NRG3: variants seen among roughly 807,000 people sequenced by gnomAD.
NRG3 encodes neuregulin 3, also known as pro-neuregulin-3, membrane-bound isoform.
NRG3 carries 31 observed loss-of-function variants against 66.9 expected under a neutral mutation model. That is an observed-to-expected ratio of 0.46 (90% CI 0.35 to 0.63). The LOEUF (loss-of-function observed/expected upper bound fraction) is 0.63, where lower values mean the gene tolerates loss of function less well. NRG3 is among the 20% of genes least tolerant of loss of function. The pLI, the probability that NRG3 is intolerant of heterozygous loss-of-function variation, is 0.00. For missense variants in NRG3, 910 were observed against 878.9 expected (o/e 1.04, Z -0.45); for synonymous variants, 393 against 359.4 (o/e 1.09, Z -1.06).
intron 4 of NRG3, among the ~76,000 whole-genome samples, chr10:82,911,340 C>G (rs1276875699): frequency 6.6e-6 from 1 of 151,586 alleles, no homozygotes; most frequent in African/African-American, 2.4e-5. Context: ...ATGGGTTGTG[C>G]CTTTGGCATT....
In NRG3 at chr10:82,027,009, T is replaced by A. The variant is rs1042126126; in HGVS notation, c.823+150846T>A. On this transcript the variant is annotated intron_variant, in intron 1 of 8. Coordinates refer to ENST00000372141, the MANE Select transcript of NRG3 (RefSeq NM_001010848.4). ...GTTTAATGCTATTATTTCTGTTAAT[T>A]CATGGGGGCAGCTAATGATTTTAAA... Among the ~76,000 whole-genome samples the A allele has an allele frequency of 3.9e-5, 6 of 152,182 alleles. No homozygotes were observed. In the East Asian group the frequency reaches 7.7e-4, roughly 20 times the overall value.
intron 1 of NRG3, among the ~76,000 whole-genome samples, chr10:82,289,700 CAT>C (rs2079614638): frequency 6.6e-6 from 1 of 152,064 alleles, no homozygotes. Flanking sequence ...ATCTTTTCTA[CAT>C]ATGTGGGAAT....
intron 2 of NRG3, among the ~76,000 whole-genome samples, chr10:82,668,433 G>A (rs1182561547): frequency 1.3e-5 from 2 of 152,060 alleles, no homozygotes; most frequent in Non-Finnish European, 2.9e-5. Flanking sequence ...TAAGGATTTG[G>A]CCTTCCCCTT....
intron 1 of NRG3, among the ~76,000 whole-genome samples, chr10:82,317,456 C>T (rs2081354155): frequency 6.6e-6 from 1 of 152,190 alleles, no homozygotes; most frequent in African/African-American, 2.4e-5. Flanking sequence ...TCATATTCTA[C>T]ATCCAGTCTT....
chr10:82,287,388 G>T (rs2079479514), intron 1 of NRG3, among the ~76,000 whole-genome samples: 1 of 151,750 alleles, frequency 6.6e-6, no homozygotes, highest in Admixed American at 6.6e-5. Flanking sequence ...CCAGTACCAT[G>T]CTTCCTATAC....
chr10:82,490,648 A>T (rs1328723722), intron 2 of NRG3, among the ~76,000 whole-genome samples: 2 of 151,990 alleles, frequency 1.3e-5, no homozygotes, highest in Non-Finnish European at 2.9e-5. Flanking sequence ...CAAACTCTAG[A>T]CTTGTATTTG....
chr10:82,442,784 A>ATTTGTTT (rs2090499992), intron 2 of NRG3, among the ~76,000 whole-genome samples: 4 of 54,254 alleles, frequency 7.4e-5, no homozygotes, highest in Non-Finnish European at 1.3e-4. Flanking sequence ...TTCTGTGTGG[A>ATTTGTTT]TTTTTTTTTT....
chr10:81,898,685 T>A (rs949477901), intron 1 of NRG3, among the ~76,000 whole-genome samples: 17 of 151,730 alleles, frequency 1.1e-4, no homozygotes, highest in African/African-American at 4.1e-4. Flanking sequence ...AAATAAATAA[T>A]ACGTGTTTGA....
chr10:82,389,872 ACT>A (rs879509537), intron 2 of NRG3, among the ~76,000 whole-genome samples: 9 of 152,256 alleles, frequency 5.9e-5, no homozygotes, highest in South Asian at 2.1e-4. Flanking sequence ...ACGTATGATA[ACT>A]CTCAATTGTG....
rs946655999 is a variant in NRG3, at chr10:81,875,936, C to T, written c.596C>T (p.Pro199Leu). ...GCGACGGTCCCGTCCACCACGGCCC[C>T]GTTCTTCAGTAGCAGCACGCTGGGC... The part of the protein sequence containing the change: ...APATVPSTTA[P>L]FFSSSTLGSR... Residue 199 changes from proline (P) to leucine (L), a missense_variant, in exon 1 of 9, where the codon CCG becomes CTG. Coordinates refer to ENST00000372141, the MANE Select transcript of NRG3 (RefSeq NM_001010848.4). This position sits in a 1 kb window ranked among gnomAD's most constrained non-coding sequence, Gnocchi z 5.3. 2 of 1,613,636 alleles carry T rather than the reference C, an allele frequency of 1.2e-6. No homozygotes were observed. Among genetic ancestry groups the T allele is most frequent in the East Asian group, 2.2e-5 (1 of 44,862 alleles).
chr10:82,050,509 A>G (rs1026672625), intron 1 of NRG3, among the ~76,000 whole-genome samples: 9 of 151,808 alleles, frequency 5.9e-5, no homozygotes, highest in African/African-American at 2.2e-4. Context: ...TTGTGCTGTT[A>G]GTCTGTGTGT....
chr10:82,048,559 A>G (rs1287645873), intron 1 of NRG3, among the ~76,000 whole-genome samples: 4 of 150,268 alleles, frequency 2.7e-5, no homozygotes, highest in Non-Finnish European at 6.0e-5. Context: ...AACGAGAACG[A>G]AGACACAACA....
At chr10:82,923,403 A>G (rs1257894454) in intron 4 of NRG3, among the ~76,000 whole-genome samples, 2 of 152,162 alleles carry the variant, frequency 1.3e-5, no homozygotes, top group Non-Finnish European at 2.9e-5. Flanking sequence ...CAAAGCCTGG[A>G]TTATGTACTT....
intron 2 of NRG3, among the ~76,000 whole-genome samples, chr10:82,566,232 T>G (rs1324368391): frequency 1.3e-5 from 2 of 152,078 alleles, no homozygotes; most frequent in African/African-American, 4.8e-5. Context: ...GTTGTTTTAT[T>G]TTGTTTGTTT....
intron 2 of NRG3, among the ~76,000 whole-genome samples, chr10:82,447,418 T>TA (rs2090788929): frequency 6.6e-6 from 1 of 152,034 alleles, no homozygotes; most frequent in African/African-American, 2.4e-5. Context: ...GCCCCATCCC[T>TA]AAAAAAATTA....
chr10:82,404,915 C>T (rs75972292), intron 2 of NRG3, among the ~76,000 whole-genome samples: 5,743 of 152,118 alleles, frequency 0.038, 171 homozygotes, highest in Non-Finnish European at 0.053. Context: ...TCTGGTAGAG[C>T]GAGAGTGCTT....
intron 1 of NRG3, among the ~76,000 whole-genome samples, chr10:82,113,309 T>C (rs1352318730): frequency 2.0e-5 from 3 of 152,252 alleles, no homozygotes; most frequent in Non-Finnish European, 1.5e-5. Context: ...GTGATAAAAC[T>C]GTGATGCCAG....
chr10:82,491,854 A>G (rs1166280176), intron 2 of NRG3, among the ~76,000 whole-genome samples: 2 of 152,208 alleles, frequency 1.3e-5, no homozygotes, highest in East Asian at 3.9e-4. Flanking sequence ...TTTTCCTTAA[A>G]TGTTGTCATA....
chr10:82,541,907 C>G (rs2043567640), intron 2 of NRG3, among the ~76,000 whole-genome samples: 1 of 152,144 alleles, frequency 6.6e-6, no homozygotes. Flanking sequence ...AGGAACCAGA[C>G]TTTTTAAAAA....
Sources: gnomAD v4.1 joint callset for allele counts (sites outside exome capture counted in the v4.1 genomes callset) on GRCh38, gnomAD v4.1.1 for gene constraint, Gnocchi (gnomAD v3.1) non-coding constraint, MANE v1.5 for transcripts, NCBI Gene and HGNC (gene_info 2026-07-23, HGNC 2026-07-21) for gene names.